FGD4: variants seen among roughly 807,000 people sequenced by gnomAD.
The protein encoded by FGD4 is FYVE, RhoGEF and PH domain-containing protein 4.
FGD4 carries 42 observed loss-of-function variants against 102.0 expected under a neutral mutation model. The ratio of observed to expected loss-of-function variants is 0.41; its 90% confidence interval spans 0.32 to 0.53. The LOEUF is 0.53. FGD4 is among the 20% of genes least tolerant of loss of function. The pLI, the probability that FGD4 is intolerant of heterozygous loss-of-function variation, is 0.21. For missense variants in FGD4, 902 were observed against 1,078.2 expected, an observed-to-expected ratio of 0.84 and a Z score of 2.29; for synonymous variants, 380 against 375.7, an observed-to-expected ratio of 1.01 and a Z score of -0.13.
intron 1 of FGD4, among the ~76,000 whole-genome samples, chr12:32,481,127 CAAAA>C (rs1157108520): frequency 1.5e-4 from 4 of 27,360 alleles, no homozygotes; most frequent in East Asian, 1.9e-3. Flanking sequence ...GACTCCGTCT[CAAAA>C]AAAAAAAAAA....
intron 4 of FGD4, among the ~76,000 whole-genome samples, chr12:32,592,875 TA>T (rs1389325037): frequency 1.3e-5 from 2 of 152,224 alleles, no homozygotes; most frequent in Non-Finnish European, 2.9e-5. Context: ...AAATAATATA[TA>T]AATTAAAGTA....
chr12:32,566,297 A>G (rs1199465963), intron 2 of FGD4, among the ~76,000 whole-genome samples: 1 of 151,920 alleles, frequency 6.6e-6, no homozygotes, highest in Non-Finnish European at 1.5e-5. Flanking sequence ...CTCATGACCT[A>G]CTCACCTCCC....
chr12:32,637,335 G>T (rs991675226), intron 15 of FGD4, among the ~76,000 whole-genome samples: 3 of 151,818 alleles, frequency 2.0e-5, no homozygotes, highest in African/African-American at 7.3e-5. Context: ...GGTGGCTCAC[G>T]CCTGTAATCC....
At chr12:32,469,755 G>A (rs1472302272) in intron 1 of FGD4, among the ~76,000 whole-genome samples, 1 of 151,840 alleles carries the variant, frequency 6.6e-6, no homozygotes, top group African/African-American at 2.4e-5. Flanking sequence ...TGCCTCCCAG[G>A]TTCAAGCAAT....
chr12:32,529,520 G>A (rs938942853), intron 1 of FGD4, among the ~76,000 whole-genome samples: 1 of 151,640 alleles, frequency 6.6e-6, no homozygotes, highest in Non-Finnish European at 1.5e-5. Flanking sequence ...TTTTTTGCCA[G>A]TATATGCTTA....
At chr12:32,587,054 A>G (rs1258228458) in intron 4 of FGD4, among the ~76,000 whole-genome samples, 1 of 151,894 alleles carries the variant, frequency 6.6e-6, no homozygotes, top group Non-Finnish European at 1.5e-5. Flanking sequence ...AGCTGGGCGC[A>G]GTAGCAAGCA....
chr12:32,507,475 T>C (rs573259948), intron 1 of FGD4, among the ~76,000 whole-genome samples: 4 of 152,244 alleles, frequency 2.6e-5, no homozygotes, highest in Admixed American at 6.5e-5. Flanking sequence ...TTATCCTCAA[T>C]TTATGGAGGT....
In FGD4 at chr12:32,632,239, A is replaced by G. The variant is rs891033742; in HGVS notation, c.2173-1310A>G. On this transcript the variant is annotated intron_variant, in intron 14 of 16. Coordinates refer to ENST00000534526, the MANE Select transcript of FGD4 (RefSeq NM_001370298.3). ...AGAAAAGTTATCACTAAGAAGTAAT[A>G]CACATTTGCATCATATTCATTCATT... Among the ~76,000 whole-genome samples the G allele has an allele frequency of 2.0e-5, 3 of 152,266 alleles. No homozygotes were observed. The East Asian group carries it at 5.8e-4, about 29-fold the overall frequency.
intron 1 of FGD4, among the ~76,000 whole-genome samples, chr12:32,491,150 AC>A (rs66503841): frequency 0.014 from 2,038 of 143,866 alleles, 94 homozygotes; most frequent in African/African-American, 0.046. Context: ...AAAAAAAAAA[AC>A]AAAAAACTAT....
At chr12:32,624,554 G>C (rs1950035033) in intron 12 of FGD4, 102 bp downstream of exon 12, 5 of 980,522 alleles carry the variant, frequency 5.1e-6, no homozygotes, top group Non-Finnish European at 7.8e-6. Flanking sequence ...TCTCACTGCA[G>C]CCTCTGTCTG....
intron 16 of FGD4, among the ~76,000 whole-genome samples, chr12:32,639,581 T>C (rs931487385): frequency 1.1e-4 from 17 of 152,212 alleles, no homozygotes; most frequent in African/African-American, 3.1e-4. Context: ...AGCAATTTTT[T>C]TGAGAACCCC....
At chr12:32,547,593 G>A (rs1373804438) in intron 1 of FGD4, among the ~76,000 whole-genome samples, 1 of 152,216 alleles carries the variant, frequency 6.6e-6, no homozygotes, top group East Asian at 1.9e-4. Context: ...ATGTGTGCTT[G>A]CCTCACAATA....
At chr12:32,561,116 C>G (rs1242457724) in intron 1 of FGD4, among the ~76,000 whole-genome samples, 1 of 89,106 alleles carries the variant, frequency 1.1e-5, no homozygotes, top group Admixed American at 1.7e-4. Flanking sequence ...TGGAGTTTCA[C>G]TCTTGTTGCC....
intron 1 of FGD4, among the ~76,000 whole-genome samples, chr12:32,420,134 G>A (rs1941577378): frequency 6.6e-6 from 1 of 152,160 alleles, no homozygotes; most frequent in South Asian, 2.1e-4. Context: ...GACAAACAGT[G>A]TAGGCTTCTT....
rs1944050593 is a variant in FGD4 at position 32,555,698 on chromosome 12, AGTAGC to A, written c.167-8438_167-8434del. On this transcript the variant is annotated intron_variant, in intron 1 of 16. Coordinates refer to ENST00000534526, the MANE Select transcript of FGD4 (RefSeq NM_001370298.3). ...GCCATTCTCCTGCCTCAGCCTCCCGAGTAGCTGGGACCACAGGCGCCCACCACCAC... is the reference window on the plus strand; with the variant it reads ...GCCATTCTCCTGCCTCAGCCTCCCGATGGGACCACAGGCGCCCACCACCAC... 2.0e-5 allele frequency among the ~76,000 whole-genome samples: 3 copies of A among 150,454 alleles called. No homozygotes were observed. In the South Asian group the frequency reaches 6.3e-4, roughly 32 times the overall value.
intron 1 of FGD4, among the ~76,000 whole-genome samples, chr12:32,512,182 C>G (rs1009412149): frequency 6.6e-6 from 1 of 152,022 alleles, no homozygotes; most frequent in Non-Finnish European, 1.5e-5. Context: ...TGCAGTGGCT[C>G]TCACCTGTAA....
At chr12:32,602,125 T>A (rs571214689) in intron 6 of FGD4, 36 bp from the exon 7 acceptor site, 57 of 1,607,554 alleles carry the variant, frequency 3.5e-5, no homozygotes, top group South Asian at 2.3e-4. Flanking sequence ...AAAAAAAAAT[T>A]TTTTTTAAAG....
At chr12:32,508,796 A>G (rs981072245) in intron 1 of FGD4, among the ~76,000 whole-genome samples, 1 of 152,240 alleles carries the variant, frequency 6.6e-6, no homozygotes, top group African/African-American at 2.4e-5. Flanking sequence ...ATGTGAACCA[A>G]GAGGAATTGC....
At chr12:32,425,452 AC>A (rs1420179331) in intron 1 of FGD4, among the ~76,000 whole-genome samples, 1 of 152,210 alleles carries the variant, frequency 6.6e-6, no homozygotes, top group African/African-American at 2.4e-5. Context: ...CAGTACCAGT[AC>A]CATGCTGTTT....
Sources: allele counts gnomAD v4.1 joint callset (sites outside exome capture counted in the v4.1 genomes callset), GRCh38; gene constraint gnomAD v4.1.1; transcripts MANE v1.5; gene names NCBI Gene and HGNC (gene_info 2026-07-23, HGNC 2026-07-21).